Variants in PHACTR4 observed in about 807,000 individuals in gnomAD.
PHACTR4 encodes the protein phosphatase and actin regulator 4.
Under a neutral mutation model 72.7 loss-of-function variants are expected in PHACTR4, and 51 were observed. The ratio of observed to expected loss-of-function variants is 0.70; its 90% CI spans 0.56 to 0.89. The LOEUF (loss-of-function observed/expected upper bound fraction) is 0.89, where lower values mean the gene tolerates loss of function less well. PHACTR4 is among the 40% of genes least tolerant of loss of function. PHACTR4 has a pLI of 0.00. For synonymous variants in PHACTR4, 255 were observed against 302.5 expected, an observed-to-expected ratio of 0.84 and a Z score of 1.63; for missense variants, 731 against 861.8, an observed-to-expected ratio of 0.85 and a Z score of 1.90.
chr1:28,412,694 T>G (rs1654864409), intron 2 of PHACTR4, among the ~76,000 whole-genome samples: 1 of 152,198 alleles, frequency 6.6e-6, no homozygotes, highest in Non-Finnish European at 1.5e-5. Context: ...TTTTGTATTC[T>G]TATGTATTTA....
intron 2 of PHACTR4, among the ~76,000 whole-genome samples, chr1:28,456,823 G>C (rs947026599): frequency 2.6e-5 from 4 of 152,124 alleles, no homozygotes; most frequent in African/African-American, 9.6e-5. Context: ...TGGAGTTGAA[G>C]GCTCAGTGAG....
At chr1:28,396,825 ATTTC>A (rs1397215307) in intron 1 of PHACTR4, among the ~76,000 whole-genome samples, 4 of 136,052 alleles carry the variant, frequency 2.9e-5, no homozygotes, top group South Asian at 2.5e-4. Flanking sequence ...CGCCCGGCTA[ATTTC>A]TTTCTTTCTT....
At chr1:28,456,495 G>A (rs1270550355) in intron 2 of PHACTR4, among the ~76,000 whole-genome samples, 1 of 152,092 alleles carries the variant, frequency 6.6e-6, no homozygotes, top group Non-Finnish European at 1.5e-5. Context: ...TATCAGTATG[G>A]CTCTGTCGCC....
chr1:28,467,547 T>A (rs1049181462), intron 6 of PHACTR4, among the ~76,000 whole-genome samples: 3 of 152,184 alleles, frequency 2.0e-5, no homozygotes, highest in Non-Finnish European at 4.4e-5. Flanking sequence ...TGAAAATTTT[T>A]AAATCTACTT....
At chr1:28,404,670 C>T (rs1654197519) in intron 1 of PHACTR4, among the ~76,000 whole-genome samples, 4 of 152,140 alleles carry the variant, frequency 2.6e-5, no homozygotes, top group South Asian at 4.1e-4. Flanking sequence ...GGAACTGTTA[C>T]TCTTCCAAAT....
intron 2 of PHACTR4, among the ~76,000 whole-genome samples, chr1:28,443,314 C>T (rs370795027): frequency 1.5e-5 from 2 of 132,564 alleles, no homozygotes; most frequent in African/African-American, 5.7e-5. Context: ...TTCGTCTCAA[C>T]TCTGTCACCG....
At chr1:28,420,587 C>G (rs1412787328) in intron 2 of PHACTR4, among the ~76,000 whole-genome samples, 1 of 152,108 alleles carries the variant, frequency 6.6e-6, no homozygotes, top group Non-Finnish European at 1.5e-5. Context: ...TAATACAAGC[C>G]ATGATTGTGC....
Position 28,465,678 on chromosome 1 carries a change from C to A in PHACTR4, c.272-7C>A, listed in dbSNP as rs776163772. ...TCATCACTTTGTACTCTTCTTTCACCTTGCAGGTGGTGAGGATCCAGGAAA... is the reference window on the plus strand; with the variant it reads ...TCATCACTTTGTACTCTTCTTTCACATTGCAGGTGGTGAGGATCCAGGAAA... On this transcript the variant is annotated splice_region_variant and splice_polypyrimidine_tract_variant and intron_variant, in intron 4 of 13. Coordinates refer to ENST00000373839, the MANE Select transcript of PHACTR4 (RefSeq NM_001048183.3). 1.2e-6 allele frequency: 2 copies of A among 1,610,382 alleles called. No homozygotes were observed. Among genetic ancestry groups the A allele is most frequent in the Non-Finnish European group, 8.5e-7 (1 of 1,178,870 alleles).
At chr1:28,464,236 G>C (rs1224233014) in intron 4 of PHACTR4, among the ~76,000 whole-genome samples, 1 of 152,174 alleles carries the variant, frequency 6.6e-6, no homozygotes, top group East Asian at 1.9e-4. Context: ...AGAGTGTTGG[G>C]ATTACAGGCG....
At chr1:28,381,983 G>A (rs577656162) in intron 1 of PHACTR4, among the ~76,000 whole-genome samples, 2 of 152,032 alleles carry the variant, frequency 1.3e-5, no homozygotes, top group South Asian at 4.1e-4. Context: ...GGCCAGGCTG[G>A]TCTCGAACTC....
At position 28,489,290 on chromosome 1, in the gene PHACTR4, A is replaced by G. The variant is rs1445252117; in HGVS notation, c.1816+65A>G. The G allele has an allele frequency of 5.0e-6, 7 of 1,393,592 alleles. No homozygotes were observed. The Admixed American group carries it at 6.0e-5, about 12-fold the overall frequency. 86.3% of individuals were successfully genotyped at this position (1,393,592 alleles called of 1,614,324 possible). ...TTGTATGTTTCTGACTTTAATATACATAAAAGAAAAAAGAAGCGTTTGCTA... is the reference window on the plus strand; with the variant it reads ...TTGTATGTTTCTGACTTTAATATACGTAAAAGAAAAAAGAAGCGTTTGCTA... On this transcript the variant is annotated intron_variant, in intron 10 of 13. Transcript: ENST00000373839.
chr1:28,378,725 GAGATGTGCACAGAGA>G (rs1267530656), intron 1 of PHACTR4, among the ~76,000 whole-genome samples: 1 of 151,872 alleles, frequency 6.6e-6, no homozygotes, highest in Non-Finnish European at 1.5e-5. Flanking sequence ...GCAGATATTG[GAGATGTGCACAGAGA>G]AAATGTAGAT....
rs182794262 is a variant in PHACTR4 at position 28,473,924 on chromosome 1, A to G, written c.1194A>G (p.Ile398Met). Residue 398 changes from isoleucine (I) to methionine (M), a missense_variant, in exon 7 of 14, where the codon ATA becomes ATG. Around this residue, in one of 2 missense-constraint regions of PHACTR4, gnomAD observed 621 missense variants for 676.6 expected, o/e 0.92. Coordinates refer to ENST00000373839, the MANE Select transcript of PHACTR4 (RefSeq NM_001048183.3). Reference protein sequence around the residue: ...EDQKKEVPKRILDQNFGEPHI... With the variant: ...EDQKKEVPKRMLDQNFGEPHI... ...AGAAAAAGGAAGTCCCCAAGAGGAT[A>G]CTGGACCAGAACTTTGGGGAGCCCC... 4.2e-4 allele frequency: 671 copies of G among 1,614,160 alleles called. No homozygotes were observed. The highest frequency in any genetic ancestry group is 5.4e-4 in the Non-Finnish European group (633 of 1,180,008).
At chr1:28,381,922 C>G (rs1557775662) in intron 1 of PHACTR4, among the ~76,000 whole-genome samples, 2 of 152,100 alleles carry the variant, frequency 1.3e-5, no homozygotes, top group African/African-American at 4.8e-5. Flanking sequence ...ACTACACCAC[C>G]ACGCCAGGCT....
chr1:28,376,880 A>G (rs1184551366), intron 1 of PHACTR4, among the ~76,000 whole-genome samples: 1 of 151,122 alleles, frequency 6.6e-6, no homozygotes, highest in Non-Finnish European at 1.5e-5. Context: ...CTCGTGATCC[A>G]CCTGTCTCGG....
At chr1:28,486,592 C>A (rs1396370966) in intron 9 of PHACTR4, among the ~76,000 whole-genome samples, 1 of 151,880 alleles carries the variant, frequency 6.6e-6, no homozygotes, top group Non-Finnish European at 1.5e-5. Flanking sequence ...CCAGGCCAGG[C>A]ATGGTGGCTC....
intron 2 of PHACTR4, among the ~76,000 whole-genome samples, chr1:28,414,596 T>C (rs1200058093): frequency 6.6e-6 from 1 of 152,060 alleles, no homozygotes; most frequent in African/African-American, 2.4e-5. Context: ...CAGGCTGGTC[T>C]TGAACTCCTG....
chr1:28,453,985 G>A lies in PHACTR4; in HGVS notation c.17-5100G>A, dbSNP rs192158305. The A allele has an allele frequency of 5.4e-4, 267 of 492,722 alleles. 1 individual carries two copies. In the East Asian group the frequency reaches 8.9e-3, roughly 17 times the overall value. The allele number at this position is 492,722 out of a possible 1,614,324, so 30.5% of individuals were successfully genotyped here. A position where few individuals can be genotyped will look rare whatever the true frequency, so the allele number is the denominator to read the frequency against. ...AATCTTAGCACTTTGGAAGGCCAAG[G>A]TGGGAGGATCCCTTGAGCTCAGGGG... On this transcript the variant is annotated intron_variant, in intron 2 of 13. Transcript: ENST00000373839.
rs139297930 is a variant in PHACTR4 at position 28,481,903 on chromosome 1, T to G, written c.1760+1299T>G. ...GCTGCCTGTGAGAGTTTTATTTTAT[T>G]TATTTTATTTTTGAGATGGAGCCTC... On this transcript the variant is annotated intron_variant, in intron 9 of 13. Coordinates refer to ENST00000373839, the MANE Select transcript of PHACTR4 (RefSeq NM_001048183.3). Among the ~76,000 whole-genome samples, 806 of 152,042 alleles carry G rather than the reference T, an allele frequency of 5.3e-3. 5 individuals carry two copies. The highest frequency in any genetic ancestry group is 0.018 in the African/African-American group (739 of 41,474).
Sources: allele counts gnomAD v4.1 joint callset (sites outside exome capture counted in the v4.1 genomes callset), GRCh38; gene constraint gnomAD v4.1.1; regional missense constraint gnomAD v4.1.1; transcripts MANE v1.5; gene names NCBI Gene and HGNC (gene_info 2026-07-23, HGNC 2026-07-21).